The following CNTNAP2 variants were observed in gnomAD, a reference collection of about 807,000 sequenced individuals.
CNTNAP2 encodes contactin associated protein 2, also known as contactin-associated protein-like 2.
Under a neutral mutation model 155.2 loss-of-function variants are expected in CNTNAP2, and 98 were observed. The observed-to-expected ratio is 0.63, with a 90% CI of 0.54 to 0.75. The LOEUF is 0.75. CNTNAP2 is among the 30% of genes least tolerant of loss of function. The probability of loss-of-function intolerance (pLI) is 0.00; values close to 1 mark genes in which losing one functional copy is unlikely to be tolerated. For missense variants in CNTNAP2, 1,727 were observed against 1,688.1 expected, an observed-to-expected ratio of 1.02 and a Z score of -0.40; for synonymous variants, 651 against 631.2, an observed-to-expected ratio of 1.03 and a Z score of -0.47.
At chr7:147,911,240 A>G (rs1585023965) in intron 14 of CNTNAP2, among the ~76,000 whole-genome samples, 1 of 152,192 alleles carries the variant, frequency 6.6e-6, no homozygotes, top group East Asian at 1.9e-4. Context: ...ACCAACTCCA[A>G]GTGAATGGGG....
intron 16 of CNTNAP2, among the ~76,000 whole-genome samples, chr7:148,145,465 A>G (rs1292669153): frequency 6.6e-6 from 1 of 152,208 alleles, no homozygotes; most frequent in Admixed American, 6.5e-5. Flanking sequence ...AAATTAGAAC[A>G]GCATTTATCC....
At chr7:148,159,693 A>T (rs537403038) in intron 17 of CNTNAP2, among the ~76,000 whole-genome samples, 1 of 152,128 alleles carries the variant, frequency 6.6e-6, no homozygotes, top group Non-Finnish European at 1.5e-5. Context: ...ACTGAGTCAT[A>T]GAGTATGTGT....
intron 13 of CNTNAP2, among the ~76,000 whole-genome samples, chr7:147,644,601 G>A (rs916359834): frequency 5.9e-5 from 9 of 152,134 alleles, no homozygotes; most frequent in African/African-American, 9.7e-5. Context: ...CAACCTGGGC[G>A]ATAGAGCGAG....
intron 3 of CNTNAP2, among the ~76,000 whole-genome samples, chr7:146,996,397 A>AT (rs1798309090): frequency 1.3e-5 from 2 of 151,892 alleles, no homozygotes; most frequent in African/African-American, 2.4e-5. Context: ...TGTTTCACCA[A>AT]TTTTTCATAA....
chr7:147,270,110 A>T (rs934410029), intron 8 of CNTNAP2, among the ~76,000 whole-genome samples: 2 of 152,168 alleles, frequency 1.3e-5, no homozygotes, highest in African/African-American at 4.8e-5. Context: ...GCAACATAAC[A>T]TGGTGACTCA....
At chr7:147,023,908 T>C (rs1054770922) in intron 3 of CNTNAP2, among the ~76,000 whole-genome samples, 1 of 152,246 alleles carries the variant, frequency 6.6e-6, no homozygotes, top group Non-Finnish European at 1.5e-5. Context: ...ATGTGTAGTT[T>C]ATAGGGCCAA....
intron 8 of CNTNAP2, among the ~76,000 whole-genome samples, chr7:147,148,713 G>T (rs1584756750): frequency 1.3e-5 from 2 of 152,224 alleles, no homozygotes; most frequent in Admixed American, 1.3e-4. Flanking sequence ...GACCTTCACA[G>T]TGAGTGTTAC....
chr7:147,654,392 T>A (rs1795494217), intron 13 of CNTNAP2, among the ~76,000 whole-genome samples: 1 of 152,210 alleles, frequency 6.6e-6, no homozygotes, highest in South Asian at 2.1e-4. Flanking sequence ...TGGCAATGAT[T>A]TGTCTCCTCC....
At chr7:147,076,658 T>A (rs1312933009) in intron 4 of CNTNAP2, among the ~76,000 whole-genome samples, 1 of 152,210 alleles carries the variant, frequency 6.6e-6, no homozygotes, top group Non-Finnish European at 1.5e-5. Context: ...GTTTTAATCA[T>A]GAACACAATT....
At chr7:146,822,667 A>G (rs1307438011) in intron 2 of CNTNAP2, among the ~76,000 whole-genome samples, 2 of 147,868 alleles carry the variant, frequency 1.4e-5, no homozygotes, top group South Asian at 2.1e-4. Context: ...AAATATAAAT[A>G]TACTTATTCT....
At chr7:147,889,088 G>T (rs926029733) in intron 13 of CNTNAP2, among the ~76,000 whole-genome samples, 1 of 152,008 alleles carries the variant, frequency 6.6e-6, no homozygotes, top group African/African-American at 2.4e-5. Flanking sequence ...TTGAGACACT[G>T]TTAAGTTAAA....
intron 13 of CNTNAP2, among the ~76,000 whole-genome samples, chr7:147,793,154 C>T (rs1213960737): frequency 2.0e-5 from 3 of 152,064 alleles, no homozygotes; most frequent in Non-Finnish European, 4.4e-5. Flanking sequence ...ACATTATTAA[C>T]AGTATCTTTT....
chr7:147,372,321 A>G (rs931108202), intron 9 of CNTNAP2, among the ~76,000 whole-genome samples: 4 of 152,158 alleles, frequency 2.6e-5, no homozygotes, highest in African/African-American at 7.2e-5. Context: ...TAACTGTAAG[A>G]TCATGAATGT....
rs187891295 is a variant in CNTNAP2, at chr7:146,721,371, A to G, written c.98-52900A>G. On this transcript the variant is annotated intron_variant, in intron 1 of 23. Transcript: ENST00000361727. Reference sequence around the variant, plus strand: ...TATATACATTCTATATACATTCTATATATACATTCTATATACATTCTATAT... The same window carrying G: ...TATATACATTCTATATACATTCTATGTATACATTCTATATACATTCTATAT... Among the ~76,000 whole-genome samples the G allele has an allele frequency of 3.3e-4, 40 of 119,644 alleles. 1 individual carries two copies. The highest frequency in any genetic ancestry group is 1.2e-3 in the African/African-American group (38 of 32,044). 78.5% of individuals were successfully genotyped at this position (119,644 alleles called of 152,430 possible).
intron 8 of CNTNAP2, among the ~76,000 whole-genome samples, chr7:147,175,759 G>A (rs1427659962): frequency 6.6e-6 from 1 of 152,150 alleles, no homozygotes. Flanking sequence ...GGAATGGTTA[G>A]CCTTTCCTGG....
At chr7:146,910,916 A>G (rs1469575467) in intron 3 of CNTNAP2, among the ~76,000 whole-genome samples, 8 of 151,074 alleles carry the variant, frequency 5.3e-5, no homozygotes, top group East Asian at 1.9e-4. Flanking sequence ...TCTGACAAAG[A>G]GCTAATATCC....
chr7:146,532,229 T>G (rs1283207207), intron 1 of CNTNAP2, among the ~76,000 whole-genome samples: 1 of 152,134 alleles, frequency 6.6e-6, no homozygotes, highest in Non-Finnish European at 1.5e-5. Context: ...AATTTAGGCT[T>G]TTTTTGCATG....
chr7:146,834,571 C>T (rs1312257260), intron 2 of CNTNAP2, among the ~76,000 whole-genome samples: 1 of 152,160 alleles, frequency 6.6e-6, no homozygotes, highest in Non-Finnish European at 1.5e-5. Flanking sequence ...AATGAAGAAA[C>T]AGCATTCTTA....
Position 147,978,008 on chromosome 7 carries a change from T to A in CNTNAP2, c.2383+19T>A, listed in dbSNP as rs1470916234. ...GGAGACAGTAAGTTTGCATAGCAGC[T>A]ATGGCTTGCACTTTCTTATCCCATT... On this transcript the variant is annotated intron_variant, in intron 15 of 23. Transcript: ENST00000361727. 1.2e-6 allele frequency: 2 copies of A among 1,613,696 alleles called. No homozygotes were observed. The highest frequency in any genetic ancestry group is 2.2e-5 in the South Asian group (2 of 91,064).
Sources: allele counts gnomAD v4.1 joint callset (sites outside exome capture counted in the v4.1 genomes callset), GRCh38; gene constraint gnomAD v4.1.1; transcripts MANE v1.5; gene names NCBI Gene and HGNC (gene_info 2026-07-23, HGNC 2026-07-21).